GJB7: variants seen among roughly 807,000 people sequenced by gnomAD.
GJB7 encodes the protein gap junction protein beta 7.
For synonymous variants in GJB7, 87 were observed against 95.2 expected (o/e 0.91, Z 0.50); for missense variants, 253 against 256.8 (o/e 0.99, Z 0.10).
chr6:87,329,142 G>C lies in GJB7; in HGVS notation c.-210C>G, dbSNP rs1280133311. 6.5e-6 allele frequency: 1 copy of C among 154,752 alleles called. No homozygotes were observed. Among genetic ancestry groups the C allele is most frequent in the African/African-American group, 2.4e-5 (1 of 41,440 alleles). 9.6% of individuals were successfully genotyped at this position (154,752 alleles called of 1,614,324 possible). A position where few individuals can be genotyped will look rare whatever the true frequency, so the allele number is the denominator to read the frequency against. On this transcript the variant is annotated 5_prime_UTR_variant, in exon 1 of 3. Transcript: ENST00000525899. ...ATGGTGCGCGCACCCACTTACCTGC[G>C]CCCAGTGTCTGGCACTCCCTAGTGA...
At chr6:87,292,575 G>A (rs961840248) in intron 2 of GJB7, among the ~76,000 whole-genome samples, 4 of 151,510 alleles carry the variant, frequency 2.6e-5, no homozygotes, top group African/African-American at 9.7e-5. Flanking sequence ...AAAAACAGAT[G>A]AGAGAGAGAG....
At chr6:87,305,138 C>G (rs1292538020) in intron 2 of GJB7, among the ~76,000 whole-genome samples, 1 of 152,166 alleles carries the variant, frequency 6.6e-6, no homozygotes, top group African/African-American at 2.4e-5. Context: ...CCCTCTCTCA[C>G]CACTCCTATT....
intron 2 of GJB7, among the ~76,000 whole-genome samples, chr6:87,321,157 T>G (rs1467198877): frequency 6.7e-6 from 1 of 150,164 alleles, no homozygotes; most frequent in Non-Finnish European, 1.5e-5. Flanking sequence ...AGGTGGAGGT[T>G]GCAGTGAGCC....
At chr6:87,294,572 C>T (rs553501014) in intron 2 of GJB7, among the ~76,000 whole-genome samples, 2 of 152,358 alleles carry the variant, frequency 1.3e-5, no homozygotes, top group African/African-American at 4.8e-5. Context: ...CTTTATTTCT[C>T]AGCAGTATCC....
intron 2 of GJB7, among the ~76,000 whole-genome samples, chr6:87,319,222 T>C (rs1025411298): frequency 6.6e-6 from 1 of 152,234 alleles, no homozygotes; most frequent in Middle Eastern, 3.2e-3. Flanking sequence ...GCATCACTCT[T>C]CAAAGTAATT....
chr6:87,298,744 A>G (rs1776280450), intron 2 of GJB7: 1 of 217,396 alleles, frequency 4.6e-6, no homozygotes, highest in Non-Finnish European at 9.8e-6. Context: ...GTCTCACCGC[A>G]CCCACGCCTC....
At chr6:87,312,987 T>C (rs938277698) in intron 2 of GJB7, among the ~76,000 whole-genome samples, 4 of 152,224 alleles carry the variant, frequency 2.6e-5, no homozygotes, top group Non-Finnish European at 5.9e-5. Flanking sequence ...TGTGAGACTG[T>C]CCTCTCCTGG....
At chr6:87,292,220 G>A (rs908998135) in intron 2 of GJB7, among the ~76,000 whole-genome samples, 15 of 152,146 alleles carry the variant, frequency 9.9e-5, no homozygotes, top group African/African-American at 3.6e-4. Context: ...ATATTACTTT[G>A]TATAAAACCT....
rs968124311 is a variant in GJB7 at position 87,304,203 on chromosome 6, CA to C, written c.-28+18662del. ...AGGAGAACTGAAGGAGACAGAGACA[CA>C]AAAAAAACCCTTCAAAAAATCAATG... On this transcript the variant is annotated intron_variant, in intron 2 of 2. Coordinates refer to ENST00000525899, the MANE Select transcript of GJB7 (RefSeq NM_198568.3). 4.0e-4 allele frequency among the ~76,000 whole-genome samples: 60 copies of C among 151,228 alleles called. 1 individual carries two copies. The highest frequency in any genetic ancestry group is 1.4e-3 in the African/African-American group (59 of 41,250).
At chr6:87,304,033 T>G (rs377780) in intron 2 of GJB7, among the ~76,000 whole-genome samples, 56,372 of 151,900 alleles carry the variant, frequency 0.37, 12,052 homozygotes, top group Non-Finnish European at 0.48. Context: ...GCAGTGTGTA[T>G]AGGGAAATTT....
Position 87,284,140 on chromosome 6 carries a change from G to A in GJB7, c.*101C>T. ...CTCTTGTGTGTCACAGAGTAGCTTT[G>A]CTTCAGGTAGAGGGAGTGTGTTTAT... On this transcript the variant is annotated 3_prime_UTR_variant, in exon 3 of 3. Transcript: ENST00000525899. 1 of 922,920 alleles carries A rather than the reference G, an allele frequency of 1.1e-6. No individual in the cohort carries two copies. Among genetic ancestry groups the A allele is most frequent in the Non-Finnish European group, 1.7e-6 (1 of 599,784 alleles). The allele number at this position is 922,920 out of a possible 1,614,324, so 57.2% of individuals were successfully genotyped here.
At chr6:87,288,461 C>A (rs1389091622) in intron 2 of GJB7, among the ~76,000 whole-genome samples, 1 of 152,168 alleles carries the variant, frequency 6.6e-6, no homozygotes, top group Non-Finnish European at 1.5e-5. Context: ...ATCTTTCTTG[C>A]CTCTACATAT....
chr6:87,304,509 G>C (rs1301646146), intron 2 of GJB7, among the ~76,000 whole-genome samples: 1 of 152,096 alleles, frequency 6.6e-6, no homozygotes, highest in Non-Finnish European at 1.5e-5. Context: ...CCAATAACAG[G>C]CTCTGAAATT....
intron 2 of GJB7, among the ~76,000 whole-genome samples, chr6:87,316,692 A>G (rs771597852): frequency 3.3e-5 from 5 of 152,122 alleles, no homozygotes; most frequent in African/African-American, 4.8e-5. Flanking sequence ...CTCTGTTTTG[A>G]CCATTTCTTC....
intron 2 of GJB7, among the ~76,000 whole-genome samples, chr6:87,286,018 T>C (rs566072198): frequency 7.9e-5 from 12 of 152,278 alleles, no homozygotes; most frequent in African/African-American, 2.9e-4. Context: ...CACTCTACCC[T>C]CTCTTCTTGT....
intron 1 of GJB7, 127 bp downstream of exon 1, chr6:87,329,011 T>A (rs1046330362): frequency 6.5e-6 from 1 of 153,338 alleles, no homozygotes; most frequent in African/African-American, 2.4e-5. Context: ...AGTGACCCGA[T>A]TTTCCATGTG....
intron 2 of GJB7, among the ~76,000 whole-genome samples, chr6:87,288,229 G>A (rs1263700438): frequency 2.0e-5 from 3 of 152,138 alleles, no homozygotes; most frequent in East Asian, 1.9e-4. Context: ...AAAGACAATG[G>A]CATTCTTATT....
At position 87,284,354 on chromosome 6, in the gene GJB7, AG is replaced by A; in HGVS notation, c.558del (p.Ser187HisfsTer7). 1 of 1,614,130 alleles carries A rather than the reference AG, an allele frequency of 6.2e-7. No individual in the cohort carries two copies. The highest frequency in any genetic ancestry group is 8.5e-7 in the Non-Finnish European group (1 of 1,179,968). On this transcript the variant is annotated frameshift_variant, in exon 3 of 3. Transcript: ENST00000525899. LOFTEE classifies it low-confidence loss of function (END_TRUNC). ...AAATTCAACACAATACACAAGCATG[AG>A]GTGATGACCAAGAAGAGGATGAAGA... is the stretch of plus-strand genomic sequence containing the variant. ...KTIFILFLVI[T>X]SCLCIVLNFI... is the part of the protein sequence containing the mutation.
Position 87,284,851 on chromosome 6 carries a change from C to T in GJB7, c.62G>A (p.Gly21Glu). The change falls in exon 3 of 3, where the codon GGA (glycine) becomes GAA (glutamate). Residue 21 changes from glycine to glutamate, a missense_variant. By Grantham distance (98) the Gly-to-Glu change is moderately conservative (BLOSUM62 -2). Coordinates refer to ENST00000525899, the MANE Select transcript of GJB7 (RefSeq NM_198568.3). ...SGVNKYSTGT[G>E]WIWLAVVFVF... ...AAACACGACAGCCAGCCAAATCCAT[C>T]CAGTCCCAGTGGAGTATTTATTTAC... 6.2e-7 allele frequency: 1 copy of T among 1,614,054 alleles called. No homozygotes were observed. The highest frequency in any genetic ancestry group is 1.1e-5 in the South Asian group (1 of 91,080).
Sources: gnomAD v4.1 joint callset for allele counts (sites outside exome capture counted in the v4.1 genomes callset) on GRCh38, gnomAD v4.1.1 for gene constraint, MANE v1.5 for transcripts, NCBI Gene and HGNC (gene_info 2026-07-23, HGNC 2026-07-21) for gene names.